NEUROG2: variants seen among roughly 807,000 people sequenced by gnomAD.
NEUROG2 encodes neurogenin 2.
A neutral mutation model predicts 2.8 loss-of-function variants in NEUROG2; 1 was observed. The observed-to-expected ratio is 0.36, with a 90% confidence interval of 0.13 to 1.71. The LOEUF is 1.71. Among genes scored for constraint, NEUROG2 ranks in the 40% most tolerant of loss-of-function variants. The pLI is 0.34. For missense variants in NEUROG2, 397 were observed against 392.7 expected (o/e 1.01, Z -0.09); for synonymous variants, 211 against 187.7 (o/e 1.12, Z -1.01).
In NEUROG2 at chr4:112,515,040, C is replaced by A; in HGVS notation, c.436G>T (p.Ala146Ser). 1.2e-6 allele frequency: 2 copies of A among 1,613,980 alleles called. No individual in the cohort carries two copies. The highest frequency in any genetic ancestry group is 1.1e-5 in the South Asian group (1 of 91,084). ...AGGGTCTCGATCTTGGTGAGCTTGG[C>A]GTCCTCGGGGAACGTGGGGAGCACC... is the stretch of plus-strand genomic sequence containing the variant. ...REVLPTFPEDAKLTKIETLRF... is the reference protein window; with the variant it reads ...REVLPTFPEDSKLTKIETLRF... Residue 146 changes from alanine to serine, a missense_variant, in exon 2 of 2, where the codon GCC (alanine) becomes TCC (serine). Coordinates refer to ENST00000313341, the MANE Select transcript of NEUROG2 (RefSeq NM_024019.4).
chr4:112,516,046 C>G lies in NEUROG2; in HGVS notation c.-201G>C, dbSNP rs2148786267. 6.5e-6 allele frequency: 1 copy of G among 154,224 alleles called. No homozygotes were observed. Among genetic ancestry groups the G allele is most frequent in the African/African-American group, 2.4e-5 (1 of 41,602 alleles). 9.6% of individuals were successfully genotyped at this position (154,224 alleles called of 1,614,324 possible). A position where few individuals can be genotyped will look rare whatever the true frequency, so the allele number is the denominator to read the frequency against. ...CCCGGCGGCGGCGGCGGCGGCCCGC[C>G]CGGGTCTCGTGTGTTGTGGTGGTGG... On this transcript the variant is annotated 5_prime_UTR_variant, in exon 1 of 2. Coordinates refer to ENST00000313341, the MANE Select transcript of NEUROG2 (RefSeq NM_024019.4).
chr4:112,513,879 A>T lies in NEUROG2; in HGVS notation c.*778T>A, dbSNP rs958897821. On this transcript the variant is annotated 3_prime_UTR_variant, in exon 2 of 2. Transcript: ENST00000313341. ...GTTCAGCCTAAATTTCCACGCTTGCATTCAATCATTACAAAGCCTACAAAT... is the reference window on the plus strand; with the variant it reads ...GTTCAGCCTAAATTTCCACGCTTGCTTTCAATCATTACAAAGCCTACAAAT... 6.6e-6 allele frequency: 1 copy of T among 152,644 alleles called. No homozygotes were observed. Among genetic ancestry groups the T allele is most frequent in the Non-Finnish European group, 1.5e-5 (1 of 68,044 alleles). The allele number at this position is 152,644 out of a possible 1,614,324, so 9.5% of individuals were successfully genotyped here. A position where few individuals can be genotyped will look rare whatever the true frequency, so the allele number is the denominator to read the frequency against.
In NEUROG2 at chr4:112,515,324, GCCCCGCCT is replaced by G; in HGVS notation, c.144_151del (p.Gly49AlafsTer7). On this transcript the variant is annotated frameshift_variant, in exon 2 of 2. Transcript: ENST00000313341. LOFTEE classifies it low-confidence loss of function (END_TRUNC). ...GGCCTCAGCCCCGCGCTGCCGACGC[GCCCCGCCT>G]GACGCGCCCGGCTCCTCCTCCTCTT... 7.0e-7 allele frequency: 1 copy of G among 1,418,704 alleles called. No individual in the cohort carries two copies. Among genetic ancestry groups the G allele is most frequent in the Non-Finnish European group, 9.2e-7 (1 of 1,091,766 alleles). The allele number at this position is 1,418,704 out of a possible 1,614,324, so 87.9% of individuals were successfully genotyped here. A position where few individuals can be genotyped will look rare whatever the true frequency, so the allele number is the denominator to read the frequency against.
chr4:112,515,264 G>A lies in NEUROG2; in HGVS notation c.212C>T (p.Ala71Val), dbSNP rs1736407288. 2 of 1,543,072 alleles carry A rather than the reference G, an allele frequency of 1.3e-6. No individual in the cohort carries two copies. The highest frequency in any genetic ancestry group is 1.9e-5 in the Admixed American group (1 of 52,308). Residue 71 changes from alanine to valine, a missense_variant, in exon 2 of 2, where the codon GCG becomes GTG. Coordinates refer to ENST00000313341, the MANE Select transcript of NEUROG2 (RefSeq NM_024019.4). ...QGARGGVAAG[A>V]EGCRPARLLG... ...CAGCCGTGCGGGCCGGCAGCCCTCC[G>A]CACCCGCAGCCACGCCGCCCCGCGC...
rs1736389709 is a variant in NEUROG2, at chr4:112,514,790, T to C, written c.686A>G (p.Asn229Ser). ...AGTGCAGCTGTAGGGGGAGGTGGAA[T>C]TGGAGGACACGGAGGAGGACGGCGC... ...SPAPSSSVSS[N>S]STSPYSCTLS... is the part of the protein sequence containing the mutation. Residue 229 changes from asparagine to serine, a missense_variant, in exon 2 of 2, where the codon AAT becomes AGT. Transcript: ENST00000313341. 1 of 1,553,506 alleles carries C rather than the reference T, an allele frequency of 6.4e-7. No homozygotes were observed. The highest frequency in any genetic ancestry group is 1.4e-5 in the African/African-American group (1 of 72,168).
At chr4:112,515,782 G>T (rs1024828707) in intron 1 of NEUROG2, 65 bp downstream of exon 1, 7 of 234,468 alleles carry the variant, frequency 3.0e-5, no homozygotes, top group Non-Finnish European at 5.8e-5. Context: ...AGGGCGTGCG[G>T]GTGTGGTTGG....
chr4:112,515,213 C>A lies in NEUROG2; in HGVS notation c.263G>T (p.Arg88Leu), dbSNP rs1159928895. 4 of 1,606,302 alleles carry A rather than the reference C, an allele frequency of 2.5e-6. No homozygotes were observed. Among genetic ancestry groups the A allele is most frequent in the Non-Finnish European group, 3.4e-6 (4 of 1,179,404 alleles). ...GACGGCCCGCGCCCGGGAAGGGCGC[C>A]GTTTGCAATCGTGTACCAGACCCAG... ...RLLGLVHDCK[R>L]RPSRARAVSR... The change falls in exon 2 of 2, where the codon CGG becomes CTG. Residue 88 changes from arginine (R) to leucine (L), a missense_variant. Coordinates refer to ENST00000313341, the MANE Select transcript of NEUROG2 (RefSeq NM_024019.4).
rs1172708142 is a variant in NEUROG2, at chr4:112,513,591, C to T, written c.*1066G>A. 2.6e-5 allele frequency: 4 copies of T among 152,540 alleles called. No homozygotes were observed. The highest frequency in any genetic ancestry group is 2.0e-4 in the Admixed American group (3 of 15,274). 9.4% of individuals were successfully genotyped at this position (152,540 alleles called of 1,614,324 possible). On this transcript the variant is annotated 3_prime_UTR_variant, in exon 2 of 2. Transcript: ENST00000313341. ...TTGTTCTTCAAGATGTAAATACATA[C>T]TAGAATAAACTCTGTAGAATATACA...
At position 112,514,886 on chromosome 4, in the gene NEUROG2, G is replaced by A. The variant is rs150754558; in HGVS notation, c.590C>T (p.Ala197Val). The change falls in exon 2 of 2, where the codon GCC becomes GTC. Residue 197 changes from alanine (A) to valine (V), a missense_variant. Ala to Val is a moderately conservative substitution (Grantham distance 64, BLOSUM62 0). Coordinates refer to ENST00000313341, the MANE Select transcript of NEUROG2 (RefSeq NM_024019.4). Reference sequence around the variant, plus strand: ...TCCGCTGCTGCTCAGGGCGGCGCTGGCTCCTCCCGGGCTCAGCAACACTGC... The same window carrying A: ...TCCGCTGCTGCTCAGGGCGGCGCTGACTCCTCCCGGGCTCAGCAACACTGC... ...SEAVLLSPGG[A>V]SAALSSSGDS... 68 of 1,601,230 alleles carry A rather than the reference G, an allele frequency of 4.2e-5. No homozygotes were observed. In the African/African-American group the frequency reaches 8.4e-4, roughly 20 times the overall value.
Position 112,513,654 on chromosome 4 carries a change from TAAATAG to T in NEUROG2, c.*997_*1002del. ...TTTCCCATGAAAAATTTCTTTATAATAAATAGAAGGGAACACGTGTGTGGCTGATCC... is the reference window on the plus strand; with the variant it reads ...TTTCCCATGAAAAATTTCTTTATAATAAGGGAACACGTGTGTGGCTGATCC... On this transcript the variant is annotated 3_prime_UTR_variant, in exon 2 of 2. Coordinates refer to ENST00000313341, the MANE Select transcript of NEUROG2 (RefSeq NM_024019.4). 1 of 152,668 alleles carries T rather than the reference TAAATAG, an allele frequency of 6.6e-6. No individual in the cohort carries two copies. Among genetic ancestry groups the T allele is most frequent in the Admixed American group, 6.5e-5 (1 of 15,284 alleles). 9.5% of individuals were successfully genotyped at this position (152,668 alleles called of 1,614,324 possible). A position where few individuals can be genotyped will look rare whatever the true frequency, so the allele number is the denominator to read the frequency against.
chr4:112,515,296 C>A lies in NEUROG2; in HGVS notation c.180G>T (p.Gly60=), dbSNP rs777764757. 2.0e-6 allele frequency: 3 copies of A among 1,473,152 alleles called. No homozygotes were observed. The highest frequency in any genetic ancestry group is 2.7e-5 in the Admixed American group (1 of 37,480). 91.3% of individuals were successfully genotyped at this position (1,473,152 alleles called of 1,614,324 possible). A position where few individuals can be genotyped will look rare whatever the true frequency, so the allele number is the denominator to read the frequency against. ...GARRQRGAEA[G]QGARGGVAAG... The stretch of plus-strand genomic sequence containing the variant: ...CAGCCACGCCGCCCCGCGCCCCCTG[C>A]CCGGCCTCAGCCCCGCGCTGCCGAC... The change falls in exon 2 of 2, where the codon GGG becomes GGT. Residue 60 remains glycine, a synonymous_variant. Transcript: ENST00000313341.
rs757998743 is a variant in NEUROG2 at position 112,515,257 on chromosome 4, G to A, written c.219C>T (p.Gly73=). The change falls in exon 2 of 2, where the codon GGC becomes GGT. Residue 73 remains glycine, a synonymous_variant. Transcript: ENST00000313341. ...GACCCAGCAGCCGTGCGGGCCGGCA[G>A]CCCTCCGCACCCGCAGCCACGCCGC... ...ARGGVAAGAE[G]CRPARLLGLV... The A allele has an allele frequency of 1.7e-5, 26 of 1,567,976 alleles. No homozygotes were observed. In the Admixed American group the frequency reaches 4.6e-4, roughly 28 times the overall value.
Position 112,514,623 on chromosome 4 carries a change from C to T in NEUROG2, c.*34G>A. 1 of 1,479,640 alleles carries T rather than the reference C, an allele frequency of 6.8e-7. No homozygotes were observed. Among genetic ancestry groups the T allele is most frequent in the South Asian group, 1.5e-5 (1 of 66,914 alleles). 91.7% of individuals were successfully genotyped at this position (1,479,640 alleles called of 1,614,324 possible). On this transcript the variant is annotated 3_prime_UTR_variant, in exon 2 of 2. Coordinates refer to ENST00000313341, the MANE Select transcript of NEUROG2 (RefSeq NM_024019.4). ...GACTGGGGACAGGAAAGGGAACCCA[C>T]TAAGGCCTGGCGTGGGTAGCAGAAA...
In NEUROG2 at chr4:112,515,161, C is replaced by A; in HGVS notation, c.315G>T (p.Thr105=). 1.2e-6 allele frequency: 2 copies of A among 1,613,254 alleles called. No individual in the cohort carries two copies. The highest frequency in any genetic ancestry group is 1.7e-6 in the Non-Finnish European group (2 of 1,179,850). ...AVSRGAKTAE[T]VQRIKKTRRL... ...TACGGGTCTTCTTGATGCGCTGCAC[C>A]GTCTCGGCCGTCTTGGCGCCTCGGG... is the stretch of plus-strand genomic sequence containing the variant. Residue 105 remains threonine (T), a synonymous_variant, in exon 2 of 2, where the codon ACG becomes ACT. Transcript: ENST00000313341.
chr4:112,515,749 G>T (rs1736430645), intron 1 of NEUROG2, 98 bp downstream of exon 1: 1 of 300,006 alleles, frequency 3.3e-6, no homozygotes, highest in Admixed American at 5.4e-5. Context: ...CGGCCTCCGC[G>T]ACAAAGATTC....
intron 1 of NEUROG2, 113 bp downstream of exon 1, chr4:112,515,734 G>T (rs1736429914): frequency 6.2e-6 from 2 of 320,670 alleles, no homozygotes; most frequent in Non-Finnish European, 1.1e-5. Flanking sequence ...CCCGAGAAGG[G>T]ACTGCGGCCT....
Position 112,514,175 on chromosome 4 carries a change from A to C in NEUROG2, c.*482T>G, listed in dbSNP as rs1049159654. 2 of 156,012 alleles carry C rather than the reference A, an allele frequency of 1.3e-5. No homozygotes were observed. Among genetic ancestry groups the C allele is most frequent in the African/African-American group, 4.8e-5 (2 of 41,616 alleles). The allele number at this position is 156,012 out of a possible 1,614,324, so 9.7% of individuals were successfully genotyped here. ...GGATAATATTATTACCAGCAAAATCATTCAGATGCTAAGATACATTTCTTT... is the reference window on the plus strand; with the variant it reads ...GGATAATATTATTACCAGCAAAATCCTTCAGATGCTAAGATACATTTCTTT... On this transcript the variant is annotated 3_prime_UTR_variant, in exon 2 of 2. Coordinates refer to ENST00000313341, the MANE Select transcript of NEUROG2 (RefSeq NM_024019.4).
chr4:112,515,330 C>T lies in NEUROG2; in HGVS notation c.146G>A (p.Gly49Asp). 6.9e-7 allele frequency: 1 copy of T among 1,441,844 alleles called. No homozygotes were observed. Among genetic ancestry groups the T allele is most frequent in the Non-Finnish European group, 9.1e-7 (1 of 1,102,604 alleles). The allele number at this position is 1,441,844 out of a possible 1,614,324, so 89.3% of individuals were successfully genotyped here. The change falls in exon 2 of 2, where the codon GGC becomes GAC. Residue 49 changes from glycine to aspartate, a missense_variant. Physicochemically the swap from Gly to Asp is moderately conservative, Grantham distance 94 (BLOSUM62 -1). Transcript: ENST00000313341. The stretch of plus-strand genomic sequence containing the variant: ...AGCCCCGCGCTGCCGACGCGCCCCG[C>T]CTGACGCGCCCGGCTCCTCCTCCTC... ...EEEEEEPGAS[G>D]GARRQRGAEA... is the part of the protein sequence containing the mutation.
Position 112,515,383 on chromosome 4 carries a change from G to C in NEUROG2, c.93C>G (p.Thr31=). Residue 31 remains threonine, a synonymous_variant, in exon 2 of 2, where the codon ACC becomes ACG. Transcript: ENST00000313341. ...GSASPALAAL[T]PLSSSADEEE... ...CTTCGTCGGCGCTGGATGACAGCGG[G>C]GTCAGGGCCGCCAAGGCGGGGGAGG... The C allele has an allele frequency of 6.6e-7, 1 of 1,525,300 alleles. No homozygotes were observed. Among genetic ancestry groups the C allele is most frequent in the Non-Finnish European group, 8.7e-7 (1 of 1,146,494 alleles). 94.5% of individuals were successfully genotyped at this position (1,525,300 alleles called of 1,614,324 possible).
Sources: gnomAD v4.1 joint callset for allele counts on GRCh38, gnomAD v4.1.1 for gene constraint, MANE v1.5 for transcripts, NCBI Gene and HGNC (gene_info 2026-07-23, HGNC 2026-07-21) for gene names.